EPHB1: variants seen among roughly 807,000 people sequenced by gnomAD.
EPHB1 encodes ephrin type-B receptor 1.
In EPHB1, 30 loss-of-function variants were observed where a neutral mutation model predicts 94.4. That is an observed-to-expected ratio of 0.32 (90% CI 0.24 to 0.43). The LOEUF is 0.43. Ranked by LOEUF, EPHB1 falls within the 20% of genes least tolerant of loss-of-function variation. EPHB1 has a pLI of 1.00. For synonymous variants in EPHB1, 522 were observed against 489.1 expected, an observed-to-expected ratio of 1.07 and a Z score of -0.89; for missense variants, 1,055 against 1,308.3, an observed-to-expected ratio of 0.81 and a Z score of 2.99.
intron 2 of EPHB1, among the ~76,000 whole-genome samples, chr3:134,949,392 A>G (rs1030723294): frequency 1.3e-5 from 2 of 150,472 alleles, no homozygotes; most frequent in African/African-American, 4.9e-5. Context: ...ATGCAGGGCC[A>G]GCTCTCAATG....
chr3:134,953,562 C>T (rs1429863327), intron 3 of EPHB1, among the ~76,000 whole-genome samples: 1 of 152,262 alleles, frequency 6.6e-6, no homozygotes, highest in African/African-American at 2.4e-5. Context: ...GGGACCAAGG[C>T]ACCAGGCTGA....
At chr3:134,857,777 T>C (rs2037155227) in intron 1 of EPHB1, among the ~76,000 whole-genome samples, 2 of 152,166 alleles carry the variant, frequency 1.3e-5, no homozygotes, top group South Asian at 4.1e-4. Flanking sequence ...ATTTTATCCT[T>C]TATTCCCCTC....
At chr3:135,094,658 A>G (rs1938692096) in intron 3 of EPHB1, among the ~76,000 whole-genome samples, 1 of 152,050 alleles carries the variant, frequency 6.6e-6, no homozygotes, top group Non-Finnish European at 1.5e-5. Context: ...TCCCAGCTAA[A>G]CCTTCTCCCT....
chr3:135,149,554 A>G (rs2093812716), intron 5 of EPHB1, among the ~76,000 whole-genome samples: 1 of 152,244 alleles, frequency 6.6e-6, no homozygotes. Flanking sequence ...CATAGCACAT[A>G]AAACAACAGA....
intron 3 of EPHB1, among the ~76,000 whole-genome samples, chr3:134,999,289 G>T (rs1935098276): frequency 6.6e-6 from 1 of 152,162 alleles, no homozygotes; most frequent in African/African-American, 2.4e-5. Context: ...GTTGGAATGG[G>T]GAAGATTTGA....
At chr3:135,234,307 G>T (rs957545564) in intron 12 of EPHB1, among the ~76,000 whole-genome samples, 3 of 152,210 alleles carry the variant, frequency 2.0e-5, no homozygotes, top group Non-Finnish European at 4.4e-5. Flanking sequence ...AGTCACCTTT[G>T]CTCTAGTTCC....
intron 1 of EPHB1, among the ~76,000 whole-genome samples, chr3:134,847,093 C>A (rs2036889487): frequency 6.6e-6 from 1 of 152,000 alleles, no homozygotes; most frequent in Non-Finnish European, 1.5e-5. Flanking sequence ...CCATTTCACG[C>A]TGATTAACAG....
chr3:135,076,076 G>C (rs1255610499), intron 3 of EPHB1, among the ~76,000 whole-genome samples: 1 of 152,020 alleles, frequency 6.6e-6, no homozygotes, highest in African/African-American at 2.4e-5. Context: ...ATGGATCATA[G>C]ACCTAAAAGG....
chr3:134,959,966 CTTTT>C (rs61369813), intron 3 of EPHB1, among the ~76,000 whole-genome samples: 19 of 107,368 alleles, frequency 1.8e-4, no homozygotes, highest in Non-Finnish European at 2.1e-4. Flanking sequence ...ACATCTGCAC[CTTTT>C]TTTTTTTTTT....
At chr3:134,866,775 C>T (rs1174693386) in intron 1 of EPHB1, among the ~76,000 whole-genome samples, 1 of 152,242 alleles carries the variant, frequency 6.6e-6, no homozygotes, top group Non-Finnish European at 1.5e-5. Context: ...AGATCCATCT[C>T]TCCAGGGGCA....
At chr3:135,189,878 G>A (rs1339652237) in intron 10 of EPHB1, among the ~76,000 whole-genome samples, 4 of 152,238 alleles carry the variant, frequency 2.6e-5, no homozygotes, top group Non-Finnish European at 5.9e-5. Context: ...GGAGGCTTAT[G>A]TGAAAGACAT....
At chr3:134,833,344 A>G (rs9883848) in intron 1 of EPHB1, among the ~76,000 whole-genome samples, 3 of 152,168 alleles carry the variant, frequency 2.0e-5, no homozygotes, top group Non-Finnish European at 1.5e-5. Flanking sequence ...GGATGAACTC[A>G]TGTTCTTGTC....
At position 135,259,744 on chromosome 3, in the gene EPHB1, A is replaced by G. The variant is rs537759757; in HGVS notation, c.*624A>G. 11 of 210,608 alleles carry G rather than the reference A, an allele frequency of 5.2e-5. No individual in the cohort carries two copies. Among genetic ancestry groups the G allele is most frequent in the African/African-American group, 2.3e-4 (10 of 44,172 alleles). The allele number at this position is 210,608 out of a possible 1,614,324, so 13.0% of individuals were successfully genotyped here. ...CATATTGAAGAAGAGATGTACCTTC[A>G]ATTGAAAACCTCGTTTTTCTTTTGT... On this transcript the variant is annotated 3_prime_UTR_variant, in exon 16 of 16. Coordinates refer to ENST00000398015, the MANE Select transcript of EPHB1 (RefSeq NM_004441.5).
rs193240724 is a variant in EPHB1 at position 135,245,622 on chromosome 3, G to A, written c.2497-2694G>A. 5.4e-4 allele frequency among the ~76,000 whole-genome samples: 81 copies of A among 151,072 alleles called. No homozygotes were observed. The Middle Eastern group carries it at 0.018, about 33-fold the overall frequency. Reference sequence around the variant, plus strand: ...AGAGATTGAGACCATCCTGGCCAACGTGCTGAAACCCTGTCTCTACTAAAA... The same window carrying A: ...AGAGATTGAGACCATCCTGGCCAACATGCTGAAACCCTGTCTCTACTAAAA... On this transcript the variant is annotated intron_variant, in intron 13 of 15. Transcript: ENST00000398015.
intron 1 of EPHB1, among the ~76,000 whole-genome samples, chr3:134,797,137 C>G (rs1447899743): frequency 6.6e-6 from 1 of 152,178 alleles, no homozygotes; most frequent in Non-Finnish European, 1.5e-5. Flanking sequence ...CTTGCTTTTC[C>G]GAAGGTGGCT....
intron 1 of EPHB1, among the ~76,000 whole-genome samples, chr3:134,918,674 C>A (rs1044239243): frequency 6.6e-6 from 1 of 152,154 alleles, no homozygotes; most frequent in Admixed American, 6.5e-5. Flanking sequence ...CTTTCTCTTT[C>A]ACTGCTCACA....
intron 1 of EPHB1, among the ~76,000 whole-genome samples, chr3:134,869,194 G>A (rs926459212): frequency 6.6e-6 from 1 of 152,238 alleles, no homozygotes; most frequent in African/African-American, 2.4e-5. Context: ...CTGGAAGGGA[G>A]TTTTTAGAGG....
At chr3:135,235,891 G>C (rs956944292) in intron 12 of EPHB1, among the ~76,000 whole-genome samples, 1 of 152,140 alleles carries the variant, frequency 6.6e-6, no homozygotes, top group Non-Finnish European at 1.5e-5. Context: ...GAGGGGCCCT[G>C]TGGTTAATCG....
intron 3 of EPHB1, among the ~76,000 whole-genome samples, chr3:135,009,619 A>C (rs1424094452): frequency 2.0e-5 from 3 of 152,230 alleles, no homozygotes; most frequent in African/African-American, 7.2e-5. Flanking sequence ...GTTTGCAACT[A>C]CCTGAGAAGC....
Sources: gnomAD v4.1 joint callset for allele counts (sites outside exome capture counted in the v4.1 genomes callset) on GRCh38, gnomAD v4.1.1 for gene constraint, MANE v1.5 for transcripts, NCBI Gene and HGNC (gene_info 2026-07-23, HGNC 2026-07-21) for gene names.